Variants in SCN7A observed in about 807,000 individuals in gnomAD.
The protein encoded by SCN7A is sodium channel protein type 7 subunit alpha.
SCN7A carries 138 observed loss-of-function variants against 155.2 expected under a neutral mutation model. That is an observed-to-expected ratio of 0.89 (90% CI 0.77 to 1.02). The LOEUF (loss-of-function observed/expected upper bound fraction) is 1.02, where lower values mean the gene tolerates loss of function less well. Ranked by LOEUF, SCN7A falls within the 50% of genes least tolerant of loss-of-function variation. SCN7A has a pLI of 0.00. For missense variants in SCN7A, 2,058 were observed against 1,986.6 expected, an observed-to-expected ratio of 1.04 and a Z score of -0.68; for synonymous variants, 693 against 649.0, an observed-to-expected ratio of 1.07 and a Z score of -1.03.
Position 166,456,993 on chromosome 2 carries a change from G to A in SCN7A, c.1167C>T (p.Phe389=). ...CATAGGCCATGGCAAGTATGCCTAA[G>A]AACAAACTTGCCATATAAAAGGAAA... is the stretch of plus-strand genomic sequence containing the variant. ...FLFSFYMASL[F]LGILAMAYEE... Residue 389 remains phenylalanine, a synonymous_variant, in exon 11 of 26, where the codon TTC becomes TTT. Transcript: ENST00000643258. 1 of 1,609,464 alleles carries A rather than the reference G, an allele frequency of 6.2e-7. No homozygotes were observed. The highest frequency in any genetic ancestry group is 8.5e-7 in the Non-Finnish European group (1 of 1,177,948).
At chr2:166,456,580 A>G (rs1367480810) in intron 11 of SCN7A, among the ~76,000 whole-genome samples, 1 of 152,084 alleles carries the variant, frequency 6.6e-6, no homozygotes, top group African/African-American at 2.4e-5. Flanking sequence ...ACCCTTAGGA[A>G]ATCTCTTTCC....
intron 11 of SCN7A, 101 bp from the exon 12 acceptor site, chr2:166,447,809 G>A (rs570038663): frequency 7.5e-5 from 56 of 744,470 alleles, no homozygotes; most frequent in Non-Finnish European, 1.1e-4. Context: ...TTATTCTCCC[G>A]GAGCCTTTTC....
intron 2 of SCN7A, among the ~76,000 whole-genome samples, chr2:166,478,299 T>TA (rs1378312412): frequency 6.7e-6 from 1 of 149,402 alleles, no homozygotes; most frequent in Non-Finnish European, 1.5e-5. Flanking sequence ...TAAAGTATAA[T>TA]AAAAAATATA....
rs540540917 is a variant in SCN7A at position 166,463,901 on chromosome 2, CA to C, written c.942-1372del. Among the ~76,000 whole-genome samples, 399 of 151,980 alleles carry C rather than the reference CA, an allele frequency of 2.6e-3. 3 individuals are homozygous for C. In the Middle Eastern group the frequency reaches 0.037, roughly 14 times the overall value. ...CGAAAACCCATCTCTACTACAAACA[CA>C]AAAATCAGCCAGTAGTGGTGGCACA... On this transcript the variant is annotated intron_variant, in intron 9 of 25. Transcript: ENST00000643258.
intron 15 of SCN7A, among the ~76,000 whole-genome samples, chr2:166,437,589 C>T (rs1214267923): frequency 2.0e-5 from 3 of 152,136 alleles, no homozygotes; most frequent in Non-Finnish European, 4.4e-5. Flanking sequence ...CTGCACTGCA[C>T]CTGGAAAAGC....
rs540471776 is a variant in SCN7A at position 166,449,591 on chromosome 2, A to G, written c.1291-1883T>C. ...TCCTCAGACCAGCGACAGACTCTGCAGGTCTACAGAGCTCCAGTTCCTCTT... is the reference window on the plus strand; with the variant it reads ...TCCTCAGACCAGCGACAGACTCTGCGGGTCTACAGAGCTCCAGTTCCTCTT... On this transcript the variant is annotated intron_variant, in intron 11 of 25. Coordinates refer to ENST00000643258, the MANE Select transcript of SCN7A (RefSeq NM_002976.4). Among the ~76,000 whole-genome samples, 18 of 152,280 alleles carry G rather than the reference A, an allele frequency of 1.2e-4. No individual in the cohort carries two copies. In the Middle Eastern group the frequency reaches 0.01, roughly 86 times the overall value.
intron 14 of SCN7A, among the ~76,000 whole-genome samples, chr2:166,442,062 T>C (rs1434151436): frequency 6.6e-6 from 1 of 152,186 alleles, no homozygotes; most frequent in African/African-American, 2.4e-5. Flanking sequence ...TTCTTTGTTT[T>C]TGCTTTTCAA....
Position 166,472,327 on chromosome 2 carries a change from T to C in SCN7A, c.562A>G (p.Thr188Ala), listed in dbSNP as rs998530159. The C allele has an allele frequency of 4.4e-6, 7 of 1,605,066 alleles. No individual in the cohort carries two copies. Among genetic ancestry groups the C allele is most frequent in the Non-Finnish European group, 5.1e-6 (6 of 1,175,548 alleles). Residue 188 changes from threonine (T) to alanine (A), a missense_variant, in exon 6 of 26, where the codon ACT (threonine) becomes GCT (alanine). Transcript: ENST00000643258. ...TAAAGAAATACTCACTCAAACACAG[T>C]TACGCTGAAATCGAGCCAGTTCCAT... ...DPWNWLDFSV[T>A]VFEVIIRYSP...
At chr2:166,431,989 G>A (rs2105412185) in intron 16 of SCN7A, among the ~76,000 whole-genome samples, 1 of 151,930 alleles carries the variant, frequency 6.6e-6, no homozygotes, top group Admixed American at 6.6e-5. Flanking sequence ...AAACTGCCTG[G>A]TTATTAATTT....
chr2:166,412,669 T>C lies in SCN7A; in HGVS notation c.3469-2A>G. 1 of 1,486,518 alleles carries C rather than the reference T, an allele frequency of 6.7e-7. No homozygotes were observed. Among genetic ancestry groups the C allele is most frequent in the Non-Finnish European group, 8.9e-7 (1 of 1,125,372 alleles). The allele number at this position is 1,486,518 out of a possible 1,614,324, so 92.1% of individuals were successfully genotyped here. A position where few individuals can be genotyped will look rare whatever the true frequency, so the allele number is the denominator to read the frequency against. On this transcript the variant is annotated splice_acceptor_variant, in intron 22 of 25. Transcript: ENST00000643258. LOFTEE classifies it high-confidence loss of function. ...TTCAAAATGAGGCTGTATATTAACC[T>C]AGAAGTTTAAAATAAGCAAATTATT... is the stretch of plus-strand genomic sequence containing the variant.
intron 9 of SCN7A, among the ~76,000 whole-genome samples, chr2:166,463,560 G>C (rs997119876): frequency 5.3e-4 from 80 of 152,254 alleles, no homozygotes; most frequent in African/African-American, 1.9e-3. Context: ...TTCTTGCCTT[G>C]AAATATACCA....
intron 21 of SCN7A, among the ~76,000 whole-genome samples, chr2:166,414,315 C>CACATAT (rs1553513833): frequency 3.3e-4 from 25 of 76,610 alleles, no homozygotes; most frequent in African/African-American, 1.5e-3. Flanking sequence ...TATATATACA[C>CACATAT]ATATATATAT....
chr2:166,420,331 A>G (rs1701484562), intron 20 of SCN7A, among the ~76,000 whole-genome samples: 1 of 152,114 alleles, frequency 6.6e-6, no homozygotes, highest in South Asian at 2.1e-4. Flanking sequence ...TACCATAGCA[A>G]TGAATATGTG....
At chr2:166,442,947 TC>T (rs1701990590) in intron 14 of SCN7A, among the ~76,000 whole-genome samples, 1 of 152,168 alleles carries the variant, frequency 6.6e-6, no homozygotes, top group African/African-American at 2.4e-5. Flanking sequence ...CCTGCTACAT[TC>T]CTTCAACCTG....
At chr2:166,414,189 TATATA>T (rs1450641877) in intron 21 of SCN7A, among the ~76,000 whole-genome samples, 27 of 84,620 alleles carry the variant, frequency 3.2e-4, no homozygotes, top group African/African-American at 1.2e-3. Flanking sequence ...ATATATATAA[TATATA>T]ATATATTATA....
In SCN7A at chr2:166,490,024, G is replaced by A. The variant is rs185171634; in HGVS notation, c.-127-3056C>T. ...ATATATATAAAATATATATATGTAC[G>A]TATACACAAACATTGTGGAATGATT... On this transcript the variant is annotated intron_variant, in intron 1 of 25. Transcript: ENST00000643258. Among the ~76,000 whole-genome samples the A allele has an allele frequency of 5.0e-3, 763 of 151,666 alleles. 5 individuals carry two copies. The highest frequency in any genetic ancestry group is 0.017 in the African/African-American group (692 of 41,324).
chr2:166,428,036 A>G, intron 17 of SCN7A, 94 bp from the exon 18 acceptor site: 2 of 1,241,186 alleles, frequency 1.6e-6, no homozygotes, highest in Non-Finnish European at 2.2e-6. Flanking sequence ...GCAATTATTT[A>G]TTTACAAATT....
chr2:166,442,176 T>C (rs987335035), intron 14 of SCN7A, among the ~76,000 whole-genome samples: 2 of 152,216 alleles, frequency 1.3e-5, no homozygotes, highest in African/African-American at 2.4e-5. Flanking sequence ...CTATCATGTA[T>C]TTCCCTTTTA....
chr2:166,458,162 C>A (rs1702325935), intron 10 of SCN7A, among the ~76,000 whole-genome samples: 1 of 151,872 alleles, frequency 6.6e-6, no homozygotes, highest in Non-Finnish European at 1.5e-5. Context: ...CCCATCTCTA[C>A]TAAAAATACA....
Sources: allele counts gnomAD v4.1 joint callset (sites outside exome capture counted in the v4.1 genomes callset), GRCh38; gene constraint gnomAD v4.1.1; transcripts MANE v1.5; gene names NCBI Gene and HGNC (gene_info 2026-07-23, HGNC 2026-07-21).